CEP170B: variants seen among roughly 807,000 people sequenced by gnomAD.
CEP170B encodes centrosomal protein 170B.
In CEP170B, 55 loss-of-function variants were observed where a neutral mutation model predicts 120.6. The ratio of observed to expected loss-of-function variants is 0.46; its 90% CI spans 0.37 to 0.57. CEP170B has a LOEUF of 0.57. Ranked by LOEUF, CEP170B falls within the 20% of genes least tolerant of loss-of-function variation. The probability of loss-of-function intolerance (pLI) is 0.00; values close to 1 mark genes in which losing one functional copy is unlikely to be tolerated. For synonymous variants in CEP170B, 1,033 were observed against 954.5 expected (o/e 1.08, Z -1.52); for missense variants, 2,212 against 2,253.3 (o/e 0.98, Z 0.37).
At position 104,872,423 on chromosome 14, in the gene CEP170B, C is replaced by CGTGTGTGTGT. The variant is rs1566852626; in HGVS notation, c.106-3833_106-3832insGTGTGTGTGT. Among the ~76,000 whole-genome samples the CGTGTGTGTGT allele has an allele frequency of 3.4e-5, 2 of 59,224 alleles. 1 individual carries two copies. The highest frequency in any genetic ancestry group is 4.4e-4 in the Admixed American group (2 of 4,534). The allele number at this position is 59,224 out of a possible 152,430, so 38.9% of individuals were successfully genotyped here. Reference sequence around the variant, plus strand: ...TGTGCGTGGGTGTGCCGTGGGTGTGCCGTGCGTGTGTGCGTGTGTGTGCCA... The same window carrying CGTGTGTGTGT: ...TGTGCGTGGGTGTGCCGTGGGTGTGCGTGTGTGTGTCGTGCGTGTGTGCGTGTGTGTGCCA... On this transcript the variant is annotated intron_variant, in intron 2 of 18. Coordinates refer to ENST00000414716, the MANE Select transcript of CEP170B (RefSeq NM_001112726.3).
Position 104,887,577 on chromosome 14 carries a change from A to G in CEP170B, c.3338A>G (p.Asn1113Ser), listed in dbSNP as rs1197318534. 6.3e-7 allele frequency: 1 copy of G among 1,594,254 alleles called. No individual in the cohort carries two copies. Among genetic ancestry groups the G allele is most frequent in the South Asian group, 1.1e-5 (1 of 88,822 alleles). ...GGGCCGCAGGCCTTGACCCGCTCCA[A>G]CAGCCTGTCCACCCCTCGCCCCACA... ...QKGPQALTRSNSLSTPRPTRA... is the reference protein window; with the variant it reads ...QKGPQALTRSSSLSTPRPTRA... Residue 1113 changes from asparagine to serine, a missense_variant, in exon 12 of 19, where the codon AAC becomes AGC. Transcript: ENST00000414716.
Position 104,889,735 on chromosome 14 carries a change from G to A in CEP170B, c.3855G>A (p.Thr1285=), listed in dbSNP as rs753818901. ...ACCCTTATGGTTTCATCGTGCAGAC[G>A]GCAGAGATTGCGGAGATTGCCAGGT... ...EPDPYGFIVQ[T]AEIAEIARLS... is the part of the protein sequence containing the mutation. The change falls in exon 13 of 19, where the codon ACG becomes ACA. Residue 1285 remains threonine, a synonymous_variant. Coordinates refer to ENST00000414716, the MANE Select transcript of CEP170B (RefSeq NM_001112726.3). 25 of 1,605,658 alleles carry A rather than the reference G, an allele frequency of 1.6e-5. No individual in the cohort carries two copies. The highest frequency in any genetic ancestry group is 1.9e-5 in the Non-Finnish European group (22 of 1,174,650).
At chr14:104,864,541 T>G (rs942067705), upstream of CEP170B, among the ~76,000 whole-genome samples, 1 of 152,086 alleles carries the variant, frequency 6.6e-6, no homozygotes, top group African/African-American at 2.4e-5. The surrounding 1 kb of genome is among the most constrained non-coding windows in gnomAD (Gnocchi z 5.9). Flanking sequence ...GAGCGAGCAG[T>G]CCGCGGGAAC....
Position 104,884,327 on chromosome 14 carries a change from G to A in CEP170B, c.1548G>A (p.Arg516=). The A allele has an allele frequency of 6.5e-7, 1 of 1,543,596 alleles. No individual in the cohort carries two copies. Among genetic ancestry groups the A allele is most frequent in the Middle Eastern group, 2.0e-4 (1 of 5,030 alleles). The change falls in exon 9 of 19, where the codon CGG becomes CGA. Residue 516 remains arginine (R), a synonymous_variant. Coordinates refer to ENST00000414716, the MANE Select transcript of CEP170B (RefSeq NM_001112726.3). ...QCLRESSPAA[R]PSPEKVPPVL... is the part of the protein sequence containing the mutation. The stretch of plus-strand genomic sequence containing the variant: ...TGCGGGAGAGCTCCCCGGCCGCCCG[G>A]CCCAGCCCCGAGAAGGTTCCTCCGG...
chr14:104,882,688 C>A (rs764133327), intron 6 of CEP170B, 40 bp from the exon 7 acceptor site: 1 of 1,537,974 alleles, frequency 6.5e-7, no homozygotes, highest in East Asian at 2.3e-5. Context: ...ACACTGGGGG[C>A]CCCAGCAACA....
chr14:104,878,393 C>T (rs749199842), intron 4 of CEP170B, 50 bp from the exon 5 acceptor site: 52 of 1,587,706 alleles, frequency 3.3e-5, no homozygotes, highest in East Asian at 6.7e-5. Flanking sequence ...TGGACTTCAG[C>T]GCTGGGCTCC....
chr14:104,877,941 C>T lies in CEP170B; in HGVS notation c.252C>T (p.Asn84=), dbSNP rs370522138. 5 of 1,597,618 alleles carry T rather than the reference C, an allele frequency of 3.1e-6. No homozygotes were observed. The highest frequency in any genetic ancestry group is 1.1e-5 in the South Asian group (1 of 90,186). ...PDQKYVTLKL[N]DVIRFGYDSN... ...AGAAGTACGTCACGCTGAAGCTCAACGATGTCATCCGCTTCGGCTACGATA... is the reference window on the plus strand; with the variant it reads ...AGAAGTACGTCACGCTGAAGCTCAATGATGTCATCCGCTTCGGCTACGATA... Residue 84 remains asparagine, a synonymous_variant, in exon 4 of 19, where the codon AAC becomes AAT. Transcript: ENST00000414716.
chr14:104,872,480 CGT>C (rs1262180285), intron 2 of CEP170B, among the ~76,000 whole-genome samples: 5 of 73,510 alleles, frequency 6.8e-5, no homozygotes, highest in African/African-American at 2.9e-4. Context: ...CGTGTGTGTG[CGT>C]GTGTGCCGTG....
At chr14:104,871,759 A>G (rs1200516960) in intron 2 of CEP170B, among the ~76,000 whole-genome samples, 1 of 152,102 alleles carries the variant, frequency 6.6e-6, no homozygotes, top group Non-Finnish European at 1.5e-5. Flanking sequence ...AGGCTGTGGG[A>G]GGACAGAGCT....
Position 104,885,388 on chromosome 14 carries a change from C to G in CEP170B, c.1790C>G (p.Ser597Cys). Residue 597 changes from serine to cysteine, a missense_variant, in exon 10 of 19, where the codon TCC becomes TGC. Physicochemically the swap from Ser to Cys is moderately radical, Grantham distance 112. Around this residue, in one of 2 missense-constraint regions of CEP170B, gnomAD observed 2,166 missense variants for 2,166.7 expected, o/e 1.00. Coordinates refer to ENST00000414716, the MANE Select transcript of CEP170B (RefSeq NM_001112726.3). Reference protein sequence around the residue: ...MIDQVFGVLESPELSRASSAT... With the variant: ...MIDQVFGVLECPELSRASSAT... ...TGGCAGGTCTTTGGGGTGTTGGAGT[C>G]CCCTGAACTCTCCAGGGCATCTTCG... The G allele has an allele frequency of 6.4e-7, 1 of 1,568,744 alleles. No homozygotes were observed. The highest frequency in any genetic ancestry group is 8.6e-7 in the Non-Finnish European group (1 of 1,157,398).
intron 3 of CEP170B, among the ~76,000 whole-genome samples, chr14:104,877,256 A>G (rs7143466): frequency 0.45 from 68,944 of 152,082 alleles, 18,493 homozygotes; most frequent in Middle Eastern, 0.75. Context: ...GCCTGTGTGG[A>G]CTGCGTCACC....
chr14:104,884,373 C>A lies in CEP170B; in HGVS notation c.1594C>A (p.Pro532Thr). The A allele has an allele frequency of 1.3e-6, 2 of 1,546,808 alleles. No homozygotes were observed. The highest frequency in any genetic ancestry group is 8.7e-7 in the Non-Finnish European group (1 of 1,146,178). The change falls in exon 9 of 19, where the codon CCC becomes ACC. Residue 532 changes from proline (P) to threonine (T), a missense_variant. Coordinates refer to ENST00000414716, the MANE Select transcript of CEP170B (RefSeq NM_001112726.3). The part of the protein sequence containing the change: ...VPPVLPAPLT[P>T]HGTSPVGPPT... ...TCCGGTGCTGCCCGCTCCCCTGACA[C>A]CCCATGGGACCAGCCCCGTGGGCCC...
In CEP170B at chr14:104,884,116, C is replaced by G. The variant is rs756033867; in HGVS notation, c.1337C>G (p.Pro446Arg). The part of the protein sequence containing the change: ...RGPTPADRDR[P>R]SVPAPVQAGG... ...CCAACGCCGGCCGATAGGGACCGCC[C>G]CAGTGTCCCAGCCCCAGTCCAGGCA... The change falls in exon 9 of 19, where the codon CCC (proline) becomes CGC (arginine). Residue 446 changes from proline (P) to arginine (R), a missense_variant. Around this residue, in one of 2 missense-constraint regions of CEP170B, gnomAD observed 2,166 missense variants for 2,166.7 expected, o/e 1.00. Transcript: ENST00000414716. The G allele has an allele frequency of 3.4e-5, 54 of 1,570,916 alleles. No individual in the cohort carries two copies. The highest frequency in any genetic ancestry group is 4.2e-5 in the Non-Finnish European group (49 of 1,158,960).
chr14:104,872,470 CGT>C (rs5811156), intron 2 of CEP170B, among the ~76,000 whole-genome samples: 7,817 of 63,640 alleles, frequency 0.12, 1,479 homozygotes, highest in Middle Eastern at 0.35. Flanking sequence ...GTGGGTGTGC[CGT>C]GTGTGTGCGT....
chr14:104,879,690 G>A (rs1279035654), intron 5 of CEP170B, among the ~76,000 whole-genome samples: 1 of 152,180 alleles, frequency 6.6e-6, no homozygotes, highest in Non-Finnish European at 1.5e-5. Flanking sequence ...GCCGACGGTG[G>A]CAGCCTTCAG....
Position 104,893,852 on chromosome 14 carries a change from G to A in CEP170B, c.4271+3G>A. On this transcript the variant is annotated splice_donor_region_variant and intron_variant, in intron 16 of 18. Transcript: ENST00000414716. Reference sequence around the variant, plus strand: ...GAGCACCTTGCCGAGAAGATGAAGTGAGTCGGCTTCCTGGCTGAGGTGGAC... The same window carrying A: ...GAGCACCTTGCCGAGAAGATGAAGTAAGTCGGCTTCCTGGCTGAGGTGGAC... The A allele has an allele frequency of 1.2e-6, 2 of 1,610,728 alleles. No individual in the cohort carries two copies. The highest frequency in any genetic ancestry group is 8.5e-7 in the Non-Finnish European group (1 of 1,178,814).
At chr14:104,866,844 C>T (rs1447951029) in intron 1 of CEP170B, among the ~76,000 whole-genome samples, 1 of 152,124 alleles carries the variant, frequency 6.6e-6, no homozygotes, top group Non-Finnish European at 1.5e-5. Context: ...TGTGGTGTGG[C>T]CCTGCCCTCA....
intron 6 of CEP170B, 52 bp downstream of exon 6, chr14:104,880,477 C>T: frequency 1.3e-6 from 2 of 1,586,790 alleles, no homozygotes; most frequent in Non-Finnish European, 1.7e-6. Flanking sequence ...CTGCCAGGCC[C>T]TCTGCCCCGC....
intron 2 of CEP170B, among the ~76,000 whole-genome samples, chr14:104,871,641 G>C (rs1175445244): frequency 6.6e-6 from 1 of 152,198 alleles, no homozygotes; most frequent in South Asian, 2.1e-4. Context: ...GTCCAGTCCT[G>C]TGTAAAGAAG....
Sources: gnomAD v4.1 joint callset for allele counts (sites outside exome capture counted in the v4.1 genomes callset) on GRCh38, gnomAD v4.1.1 for gene constraint, gnomAD v4.1.1 regional missense constraint, Gnocchi (gnomAD v3.1) non-coding constraint, MANE v1.5 for transcripts, NCBI Gene and HGNC (gene_info 2026-07-23, HGNC 2026-07-21) for gene names.